UBASH3A: variants seen among roughly 807,000 people sequenced by gnomAD.
UBASH3A encodes ubiquitin-associated and SH3 domain-containing protein A.
UBASH3A carries 63 observed loss-of-function variants against 73.5 expected under a neutral mutation model. The ratio of observed to expected loss-of-function variants is 0.86; its 90% CI spans 0.70 to 1.06. UBASH3A has a LOEUF of 1.06. Ranked by LOEUF, UBASH3A falls within the 50% of genes least tolerant of loss-of-function variation. The pLI is 0.00. For missense variants in UBASH3A, 860 were observed against 859.0 expected (o/e 1.00, Z -0.02); for synonymous variants, 363 against 351.1 (o/e 1.03, Z -0.38).
intron 13 of UBASH3A, 44 bp from the exon 14 acceptor site, chr21:42,444,490 T>C (rs773657892): frequency 2.1e-6 from 3 of 1,457,906 alleles, no homozygotes; most frequent in East Asian, 2.3e-5. Context: ...TAAAAGGTGC[T>C]CTCTGGGGCT....
chr21:42,412,543 C>T (rs554390532), intron 3 of UBASH3A, among the ~76,000 whole-genome samples: 1 of 152,210 alleles, frequency 6.6e-6, no homozygotes, highest in Non-Finnish European at 1.5e-5. Flanking sequence ...TGGAACCCGA[C>T]TCAGTGCTCA....
In UBASH3A at chr21:42,447,078, T is replaced by C; in HGVS notation, c.1870T>C (p.Phe624Leu). 1 of 1,614,118 alleles carries C rather than the reference T, an allele frequency of 6.2e-7. No homozygotes were observed. ...VRKIPSLGMC[F>L]CEENKEEGKW... ...CCAGATCCCTTCCCTGGGCATGTGC[T>C]TCTGTGAAGAAAATAAAGAGGAAGG... Residue 624 changes from phenylalanine (F) to leucine (L), a missense_variant, in exon 15 of 15, where the codon TTC becomes CTC. Physicochemically the swap from Phe to Leu is conservative, Grantham distance 22 (BLOSUM62 0). Transcript: ENST00000319294.
rs2053783925 is a variant in UBASH3A at position 42,443,338 on chromosome 21, T to A, written c.1658T>A (p.Met553Lys). ...YRPAFPLSAL[M>K]PAESYQEYMD... is the part of the protein sequence containing the mutation. ...CCCGCGTTTCCCCTGTCCGCCCTCA[T>A]GCCGGCCGAGAGCTACCAGGAGTAC... is the stretch of plus-strand genomic sequence containing the variant. Residue 553 changes from methionine to lysine, a missense_variant, in exon 13 of 15, where the codon ATG becomes AAG. Met to Lys is a moderately conservative substitution (Grantham distance 95). Transcript: ENST00000319294. 1.2e-6 allele frequency: 2 copies of A among 1,613,154 alleles called. No homozygotes were observed. The highest frequency in any genetic ancestry group is 1.1e-5 in the South Asian group (1 of 90,908).
Position 42,418,381 on chromosome 21 carries a change from C to A in UBASH3A, c.838-20C>A. The A allele has an allele frequency of 1.2e-6, 2 of 1,600,788 alleles. No homozygotes were observed. Among genetic ancestry groups the A allele is most frequent in the Non-Finnish European group, 1.7e-6 (2 of 1,168,666 alleles). ...GTAAATCTTTGCTCGAGACGTGAAA[C>A]CCCTTTGCCTCTTTTCTAGACCCTG... is the stretch of plus-strand genomic sequence containing the variant. On this transcript the variant is annotated intron_variant, in intron 6 of 14. Transcript: ENST00000319294.
chr21:42,447,356 C>T lies in UBASH3A; in HGVS notation c.*162C>T, dbSNP rs907955578. ...TCCCGGAATATTTCCCTCCGGCTTTCGCCTTTGTAACTCCCATCTGTGGAC... is the reference window on the plus strand; with the variant it reads ...TCCCGGAATATTTCCCTCCGGCTTTTGCCTTTGTAACTCCCATCTGTGGAC... On this transcript the variant is annotated 3_prime_UTR_variant, in exon 15 of 15. Coordinates refer to ENST00000319294, the MANE Select transcript of UBASH3A (RefSeq NM_018961.4). 9 of 776,050 alleles carry T rather than the reference C, an allele frequency of 1.2e-5. No individual in the cohort carries two copies. The highest frequency in any genetic ancestry group is 3.8e-5 in the South Asian group (2 of 52,050). 48.1% of individuals were successfully genotyped at this position (776,050 alleles called of 1,614,324 possible). A position where few individuals can be genotyped will look rare whatever the true frequency, so the allele number is the denominator to read the frequency against.
intron 12 of UBASH3A, 63 bp downstream of exon 12, chr21:42,442,659 A>C: frequency 1.3e-6 from 2 of 1,533,290 alleles, no homozygotes; most frequent in Non-Finnish European, 1.8e-6. Context: ...GAAAAATTTC[A>C]TGACACTGTT....
intron 7 of UBASH3A, among the ~76,000 whole-genome samples, chr21:42,419,779 C>T (rs752680658): frequency 5.3e-5 from 8 of 152,176 alleles, no homozygotes; most frequent in Non-Finnish European, 8.8e-5. Context: ...ACTTCAAGTG[C>T]CCATACAATC....
chr21:42,409,303 T>C, intron 2 of UBASH3A, 119 bp from the exon 3 acceptor site: 1 of 1,002,420 alleles, frequency 1.0e-6, no homozygotes, highest in Non-Finnish European at 1.4e-6. Context: ...GCATATATGA[T>C]GTCTTCAGTG....
chr21:42,430,451 G>T (rs1486967619), intron 8 of UBASH3A, among the ~76,000 whole-genome samples: 1 of 152,136 alleles, frequency 6.6e-6, no homozygotes, highest in African/African-American at 2.4e-5. Flanking sequence ...TCCTTACCCT[G>T]CTCAGTAGGA....
rs771765214 is a variant in UBASH3A, at chr21:42,447,118, T to C, written c.1910T>C (p.Val637Ala). ...ENKEEGKWELVNPPVKTLTHG... is the reference protein window; with the variant it reads ...ENKEEGKWELANPPVKTLTHG... ...AAAGAGGAAGGAAAATGGGAGTTGG[T>C]GAACCCACCGGTGAAGACCCTGACC... Residue 637 changes from valine (V) to alanine (A), a missense_variant, in exon 15 of 15, where the codon GTG (valine) becomes GCG (alanine). Coordinates refer to ENST00000319294, the MANE Select transcript of UBASH3A (RefSeq NM_018961.4). The C allele has an allele frequency of 1.2e-6, 2 of 1,614,068 alleles. No individual in the cohort carries two copies. Among genetic ancestry groups the C allele is most frequent in the East Asian group, 2.2e-5 (1 of 44,868 alleles).
At chr21:42,414,717 C>A (rs2053167446) in intron 5 of UBASH3A, among the ~76,000 whole-genome samples, 1 of 152,208 alleles carries the variant, frequency 6.6e-6, no homozygotes, top group Non-Finnish European at 1.5e-5. Context: ...CCACCGGAAA[C>A]TGGAAGAAGC....
At chr21:42,404,294 A>G (rs1312325614) in intron 1 of UBASH3A, 1 of 351,076 alleles carries the variant, frequency 2.8e-6, no homozygotes, top group Non-Finnish European at 5.1e-6. Flanking sequence ...GGCTTAAGCC[A>G]TCATCCCACC....
chr21:42,427,924 G>A (rs780032659), intron 8 of UBASH3A, among the ~76,000 whole-genome samples: 3 of 152,128 alleles, frequency 2.0e-5, no homozygotes, highest in African/African-American at 4.8e-5. Flanking sequence ...TTCCTATCTC[G>A]AAGTCCTAAC....
At chr21:42,409,920 A>G (rs1011085875) in intron 3 of UBASH3A, among the ~76,000 whole-genome samples, 5 of 152,102 alleles carry the variant, frequency 3.3e-5, no homozygotes, top group African/African-American at 1.2e-4. Flanking sequence ...CATACGGGCC[A>G]TGTGTCTGGT....
chr21:42,417,265 A>G (rs911801069), intron 6 of UBASH3A, among the ~76,000 whole-genome samples: 3 of 152,014 alleles, frequency 2.0e-5, no homozygotes, highest in Non-Finnish European at 2.9e-5. Flanking sequence ...TCTACTAAAA[A>G]TACAGAAAAT....
Position 42,413,548 on chromosome 21 carries a change from C to T in UBASH3A, c.667+25C>T, listed in dbSNP as rs1450826537. 5 of 1,539,470 alleles carry T rather than the reference C, an allele frequency of 3.2e-6. No homozygotes were observed. The highest frequency in any genetic ancestry group is 4.5e-6 in the Non-Finnish European group (5 of 1,115,084). Reference sequence around the variant, plus strand: ...TGTAAGCCATTAGAAAGCTTCCGGACCAGCTTTGGTCTTCTCTTTAGGCGG... The same window carrying T: ...TGTAAGCCATTAGAAAGCTTCCGGATCAGCTTTGGTCTTCTCTTTAGGCGG... On this transcript the variant is annotated intron_variant, in intron 5 of 14. Coordinates refer to ENST00000319294, the MANE Select transcript of UBASH3A (RefSeq NM_018961.4). The surrounding 1 kb of genome is among the most constrained non-coding windows in gnomAD (Gnocchi z 4.5).
intron 11 of UBASH3A, among the ~76,000 whole-genome samples, chr21:42,440,012 A>C (rs894757564): frequency 1.7e-3 from 230 of 138,454 alleles, no homozygotes; most frequent in Middle Eastern, 4.4e-3. Flanking sequence ...CCACACACAC[A>C]ACACACACCC....
intron 7 of UBASH3A, among the ~76,000 whole-genome samples, chr21:42,419,953 G>A (rs974380679): frequency 6.6e-6 from 1 of 152,160 alleles, no homozygotes; most frequent in African/African-American, 2.4e-5. Context: ...ATGTTCAGTA[G>A]GTTAGGTGCA....
intron 14 of UBASH3A, 75 bp from the exon 15 acceptor site, chr21:42,446,982 G>GT: frequency 6.6e-7 from 1 of 1,521,794 alleles, no homozygotes; most frequent in Non-Finnish European, 8.9e-7. Flanking sequence ...GTGCCTGACA[G>GT]TTGGCTTTGG....
Sources: gnomAD v4.1 joint callset for allele counts (sites outside exome capture counted in the v4.1 genomes callset) on GRCh38, gnomAD v4.1.1 for gene constraint, Gnocchi (gnomAD v3.1) non-coding constraint, MANE v1.5 for transcripts, NCBI Gene and HGNC (gene_info 2026-07-23, HGNC 2026-07-21) for gene names.